The following SPAG17 variants were observed in gnomAD, a reference collection of about 807,000 sequenced individuals.
SPAG17 encodes sperm associated antigen 17.
SPAG17 carries 169 observed loss-of-function variants against 273.6 expected under a neutral mutation model. The ratio of observed to expected loss-of-function variants is 0.62; its 90% confidence interval spans 0.55 to 0.70. The LOEUF (loss-of-function observed/expected upper bound fraction) is 0.70, where lower values mean the gene tolerates loss of function less well. SPAG17 is among the 30% of genes least tolerant of loss of function. The probability of loss-of-function intolerance (pLI) is 0.00; values close to 1 mark genes in which losing one functional copy is unlikely to be tolerated. For missense variants in SPAG17, 2,557 were observed against 2,627.8 expected, an observed-to-expected ratio of 0.97 and a Z score of 0.59; for synonymous variants, 825 against 873.2, an observed-to-expected ratio of 0.94 and a Z score of 0.97.
In SPAG17 at chr1:118,150,545, C is replaced by T. The variant is rs1365262415; in HGVS notation, c.313G>A (p.Glu105Lys). Residue 105 changes from glutamate to lysine, a missense_variant and splice_region_variant, in exon 3 of 49, where the codon GAG (glutamate) becomes AAG (lysine). Transcript: ENST00000336338. ...PVGGNAPLYY[E>K]VLTAAKAIMD... is the part of the protein sequence containing the mutation. ...CTTCTATAAACACTTTCACTTACCT[C>T]ATAATATAAAGGAGCATTACCACCT... 1 of 1,528,976 alleles carries T rather than the reference C, an allele frequency of 6.5e-7. No homozygotes were observed. The highest frequency in any genetic ancestry group is 8.9e-7 in the Non-Finnish European group (1 of 1,117,820). The allele number at this position is 1,528,976 out of a possible 1,614,324, so 94.7% of individuals were successfully genotyped here.
At chr1:118,130,306 TG>T (rs1657986298) in intron 3 of SPAG17, among the ~76,000 whole-genome samples, 1 of 152,180 alleles carries the variant, frequency 6.6e-6, no homozygotes, top group African/African-American at 2.4e-5. Context: ...ATGGGTTACC[TG>T]GGATCTACCC....
At chr1:118,004,755 C>T (rs1440076102) in intron 32 of SPAG17, among the ~76,000 whole-genome samples, 2 of 152,246 alleles carry the variant, frequency 1.3e-5, no homozygotes, top group East Asian at 3.8e-4. Context: ...AATCCCCTGA[C>T]ACCTTGCACT....
intron 40 of SPAG17, among the ~76,000 whole-genome samples, chr1:117,985,930 C>A (rs919968069): frequency 6.6e-6 from 1 of 152,166 alleles, no homozygotes; most frequent in Non-Finnish European, 1.5e-5. Flanking sequence ...ACTGCACATG[C>A]TAGTCAGCCG....
intron 3 of SPAG17, among the ~76,000 whole-genome samples, chr1:118,127,628 C>T (rs1461809476): frequency 1.3e-5 from 2 of 152,170 alleles, no homozygotes; most frequent in Non-Finnish European, 2.9e-5. Flanking sequence ...TAAACTATCT[C>T]GTTCTGAAGA....
chr1:118,081,306 T>G lies in SPAG17; in HGVS notation c.2004A>C (p.Lys668Asn), dbSNP rs529409756. 6.2e-7 allele frequency: 1 copy of G among 1,614,034 alleles called. No homozygotes were observed. Among genetic ancestry groups the G allele is most frequent in the Non-Finnish European group, 8.5e-7 (1 of 1,179,972 alleles). ...TCTGATCCACAAATAGTGTTCTGTCTTTGATTTTAATATCTATTCAGTGTA... is the reference window on the plus strand; with the variant it reads ...TCTGATCCACAAATAGTGTTCTGTCGTTGATTTTAATATCTATTCAGTGTA... ...EAKQKADIKI[K>N]DRTLFVDQNL... Residue 668 changes from lysine to asparagine, a missense_variant, in exon 15 of 49, where the codon AAA (lysine) becomes AAC (asparagine). Lys to Asn is a moderately conservative substitution (Grantham distance 94). Transcript: ENST00000336338.
At chr1:118,072,926 A>G (rs772585133) in intron 17 of SPAG17, among the ~76,000 whole-genome samples, 3 of 151,994 alleles carry the variant, frequency 2.0e-5, no homozygotes, top group Admixed American at 6.6e-5. Context: ...TATACTTGCT[A>G]TTTAGAGATC....
At chr1:118,121,189 CAGAGG>C (rs1270082136) in intron 3 of SPAG17, among the ~76,000 whole-genome samples, 1 of 152,056 alleles carries the variant, frequency 6.6e-6, no homozygotes, top group Non-Finnish European at 1.5e-5. Context: ...CAGCCAGGGT[CAGAGG>C]AGGATAAGCA....
At chr1:117,958,635 G>A (rs916994376) in intron 48 of SPAG17, among the ~76,000 whole-genome samples, 2 of 152,168 alleles carry the variant, frequency 1.3e-5, no homozygotes, top group African/African-American at 4.8e-5. Flanking sequence ...GTCAAAATCT[G>A]TAGCCACTGG....
intron 1 of SPAG17, among the ~76,000 whole-genome samples, chr1:118,177,397 C>A (rs1033266310): frequency 6.6e-6 from 1 of 151,980 alleles, no homozygotes; most frequent in Non-Finnish European, 1.5e-5. Context: ...GGAAAACCAC[C>A]CCTATGATTC....
intron 3 of SPAG17, among the ~76,000 whole-genome samples, chr1:118,125,623 G>A (rs1657678940): frequency 6.6e-6 from 1 of 152,076 alleles, no homozygotes; most frequent in South Asian, 2.1e-4. Context: ...AGAACATGTG[G>A]TATTTATCTG....
intron 48 of SPAG17, chr1:117,959,399 G>T: frequency 6.2e-7 from 1 of 1,613,602 alleles, no homozygotes; most frequent in Non-Finnish European, 8.5e-7. Flanking sequence ...TGGAAGAGAA[G>T]AAGAGGAAGA....
At chr1:118,005,905 G>A (rs1658829178) in intron 31 of SPAG17, among the ~76,000 whole-genome samples, 1 of 152,054 alleles carries the variant, frequency 6.6e-6, no homozygotes, top group African/African-American at 2.4e-5. Flanking sequence ...TTTAGCTGAG[G>A]TTACATACAT....
intron 1 of SPAG17, among the ~76,000 whole-genome samples, chr1:118,182,365 C>T (rs1660989755): frequency 1.3e-5 from 2 of 152,070 alleles, no homozygotes; most frequent in South Asian, 4.2e-4. Context: ...ATCACTGTGG[C>T]CAATAGAGCC....
At chr1:118,126,914 A>T (rs1349711736) in intron 3 of SPAG17, among the ~76,000 whole-genome samples, 1 of 152,140 alleles carries the variant, frequency 6.6e-6, no homozygotes, top group Non-Finnish European at 1.5e-5. Context: ...ATGGATATCC[A>T]GTTTCCCAGC....
intron 3 of SPAG17, among the ~76,000 whole-genome samples, chr1:118,147,008 T>A (rs1659037625): frequency 6.6e-6 from 1 of 152,230 alleles, no homozygotes; most frequent in South Asian, 2.1e-4. Flanking sequence ...TTCCTTTGAA[T>A]TCTTATACAC....
chr1:118,067,212 T>G (rs888939928), intron 17 of SPAG17, among the ~76,000 whole-genome samples: 1 of 152,208 alleles, frequency 6.6e-6, no homozygotes, highest in Non-Finnish European at 1.5e-5. Context: ...ATCTAGCATT[T>G]TCCATGCCTT....
chr1:117,963,136 C>T (rs946530491), intron 48 of SPAG17: 1 of 152,182 alleles, frequency 6.6e-6, no homozygotes. Context: ...GTAACAGTCA[C>T]TGAGCCCAAC....
At chr1:118,126,064 T>C (rs1286211900) in intron 3 of SPAG17, among the ~76,000 whole-genome samples, 6 of 142,820 alleles carry the variant, frequency 4.2e-5, no homozygotes, top group Non-Finnish European at 9.2e-5. Flanking sequence ...TTTTTGATAA[T>C]AGCCATTCTA....
chr1:117,970,228 C>CG, intron 45 of SPAG17, 112 bp from the exon 46 acceptor site: 1 of 996,360 alleles, frequency 1.0e-6, no homozygotes, highest in Non-Finnish European at 1.5e-6. Flanking sequence ...ACACAGGAGC[C>CG]GGGGGTCCAT....
Sources: allele counts gnomAD v4.1 joint callset (sites outside exome capture counted in the v4.1 genomes callset), GRCh38; gene constraint gnomAD v4.1.1; transcripts MANE v1.5; gene names NCBI Gene and HGNC (gene_info 2026-07-23, HGNC 2026-07-21).